Variants in FMO2 observed in about 807,000 individuals in gnomAD.
FMO2 encodes the protein flavin-containing monooxygenase 2.
A neutral mutation model predicts 41.6 loss-of-function variants in FMO2; 33 were observed. That is an observed-to-expected ratio of 0.79 (90% CI 0.60 to 1.06). The LOEUF is 1.06. Among genes scored for constraint, FMO2 ranks in the 50% least tolerant of loss-of-function variants. FMO2 has a pLI of 0.00. For missense variants in FMO2, 619 were observed against 632.9 expected (o/e 0.98, Z 0.23); for synonymous variants, 214 against 219.6 (o/e 0.97, Z 0.23).
At chr1:171,191,911 G>A (rs1364255229) in intron 2 of FMO2, among the ~76,000 whole-genome samples, 6 of 117,114 alleles carry the variant, frequency 5.1e-5, no homozygotes, top group African/African-American at 1.4e-4. Context: ...AGTGGCACGC[G>A]CCTGTAGTCC....
In FMO2 at chr1:171,211,925, C is replaced by G. The variant is rs1020625586; in HGVS notation, c.*2780C>G. Among the ~76,000 whole-genome samples the G allele has an allele frequency of 6.6e-6, 1 of 152,128 alleles. No individual in the cohort carries two copies. The highest frequency in any genetic ancestry group is 1.5e-5 in the Non-Finnish European group (1 of 68,032). ...CAGATGATTCCTGTGTACATTAAAT[C>G]TAGAAACCATTAGTTTGAGATCTCT... On this transcript the variant is annotated 3_prime_UTR_variant, in exon 9 of 9. Transcript: ENST00000209929.
In FMO2 at chr1:171,193,382, C is replaced by G. The variant is rs568866582; in HGVS notation, c.180C>G (p.Thr60=). The part of the protein sequence containing the change: ...GRASIYQSVV[T]NTSKEMSCFS... Reference sequence around the variant, plus strand: ...CAAGTATCTATCAATCTGTCGTTACCAACACCAGCAAAGAAATGTCCTGTT... The same window carrying G: ...CAAGTATCTATCAATCTGTCGTTACGAACACCAGCAAAGAAATGTCCTGTT... Residue 60 remains threonine, a synonymous_variant, in exon 3 of 9, where the codon ACC becomes ACG. Coordinates refer to ENST00000209929, the MANE Select transcript of FMO2 (RefSeq NM_001460.5). The G allele has an allele frequency of 1.2e-6, 2 of 1,612,212 alleles. No individual in the cohort carries two copies. Among genetic ancestry groups the G allele is most frequent in the Non-Finnish European group, 1.7e-6 (2 of 1,179,016 alleles).
chr1:171,196,398 C>T (rs1049039472), intron 3 of FMO2, among the ~76,000 whole-genome samples: 2 of 152,150 alleles, frequency 1.3e-5, no homozygotes, highest in African/African-American at 2.4e-5. Flanking sequence ...TGAGAACCCG[C>T]TCTTTCTGGC....
chr1:171,186,641 A>G (rs1055547732), intron 2 of FMO2, among the ~76,000 whole-genome samples: 2 of 152,256 alleles, frequency 1.3e-5, no homozygotes. Context: ...ACCTACCCCC[A>G]CCAGGTCCTT....
At chr1:171,207,971 C>T (rs1044724406) in intron 8 of FMO2, among the ~76,000 whole-genome samples, 181 bp downstream of exon 8, 5 of 152,078 alleles carry the variant, frequency 3.3e-5, no homozygotes, top group African/African-American at 4.8e-5. Context: ...TCTTCCTAAG[C>T]GATTCTTATA....
intron 8 of FMO2, 91 bp from the exon 9 acceptor site, chr1:171,208,703 T>A (rs1658860443): frequency 8.4e-7 from 1 of 1,195,312 alleles, no homozygotes; most frequent in Non-Finnish European, 1.2e-6. Context: ...TATTCACTCA[T>A]TCCTTCATTC....
intron 8 of FMO2, among the ~76,000 whole-genome samples, 170 bp downstream of exon 8, chr1:171,207,960 T>C (rs1658833197): frequency 6.6e-6 from 1 of 152,218 alleles, no homozygotes; most frequent in Non-Finnish European, 1.5e-5. Context: ...CATTTTTATC[T>C]TCTTCCTAAG....
rs1213177813 is a variant in FMO2, at chr1:171,199,408, G to C, written c.547G>C (p.Glu183Gln). 6.2e-7 allele frequency: 1 copy of C among 1,612,592 alleles called. No individual in the cohort carries two copies. Residue 183 changes from glutamate (E) to glutamine (Q), a missense_variant, in exon 5 of 9, where the codon GAG (glutamate) becomes CAG (glutamine). Physicochemically the swap from Glu to Gln is conservative, Grantham distance 29. Transcript: ENST00000209929. ...CCAATACAAGCATCCAGATGGATTT[G>C]AGGGAAAACGCATCCTGGTGATTGG... The part of the protein sequence containing the change: ...SRQYKHPDGF[E>Q]GKRILVIGMG...
intron 2 of FMO2, among the ~76,000 whole-genome samples, chr1:171,187,036 A>G (rs1335002069): frequency 6.6e-6 from 1 of 152,246 alleles, no homozygotes; most frequent in African/African-American, 2.4e-5. Flanking sequence ...TATATATTTT[A>G]TAGATGAGCA....
rs1369797630 is a variant in FMO2 at position 171,212,147 on chromosome 1, A to G, written c.*3002A>G. ...CAAAGTTATGTGTTTGAAACTTGCAATAGTATTGGGAGATGGGGCCTAATG... is the reference window on the plus strand; with the variant it reads ...CAAAGTTATGTGTTTGAAACTTGCAGTAGTATTGGGAGATGGGGCCTAATG... On this transcript the variant is annotated 3_prime_UTR_variant, in exon 9 of 9. Transcript: ENST00000209929. Among the ~76,000 whole-genome samples the G allele has an allele frequency of 6.6e-6, 1 of 152,162 alleles. No homozygotes were observed. Among genetic ancestry groups the G allele is most frequent in the Non-Finnish European group, 1.5e-5 (1 of 68,036 alleles).
chr1:171,201,093 C>T (rs546837331), intron 5 of FMO2, among the ~76,000 whole-genome samples: 2 of 152,250 alleles, frequency 1.3e-5, no homozygotes, highest in East Asian at 3.9e-4. Flanking sequence ...TAAGAAACTA[C>T]CTTGGCTCTA....
At chr1:171,195,629 TC>T (rs1658276260) in intron 3 of FMO2, among the ~76,000 whole-genome samples, 1 of 152,172 alleles carries the variant, frequency 6.6e-6, no homozygotes, top group Non-Finnish European at 1.5e-5. Flanking sequence ...TGGAAAAATA[TC>T]TGAAAATTTG....
chr1:171,196,733 C>G lies in FMO2; in HGVS notation c.406C>G (p.Gln136Glu), dbSNP rs1279693289. ...TGTCACTCAGAGCAACGGCAAGGAG[C>G]AGAGTGCTGTCTTTGACGCAGTTAT... ...KVVTQSNGKE[Q>E]SAVFDAVMVC... The change falls in exon 4 of 9, where the codon CAG (glutamine) becomes GAG (glutamate). Residue 136 changes from glutamine (Q) to glutamate (E), a missense_variant. By Grantham distance (29) the Gln-to-Glu change is conservative. Coordinates refer to ENST00000209929, the MANE Select transcript of FMO2 (RefSeq NM_001460.5). 6.2e-7 allele frequency: 1 copy of G among 1,613,476 alleles called. No homozygotes were observed. The highest frequency in any genetic ancestry group is 8.5e-7 in the Non-Finnish European group (1 of 1,179,816).
intron 5 of FMO2, 95 bp downstream of exon 5, chr1:171,199,583 A>G: frequency 1.6e-6 from 2 of 1,219,234 alleles, no homozygotes; most frequent in Non-Finnish European, 2.2e-6. Context: ...TCCAATCCTC[A>G]TTAACTAGTT....
At chr1:171,198,837 T>G (rs1407731670) in intron 4 of FMO2, among the ~76,000 whole-genome samples, 1 of 152,174 alleles carries the variant, frequency 6.6e-6, no homozygotes, top group African/African-American at 2.4e-5. Context: ...AGAGACAAAC[T>G]GCAGCCGTAA....
intron 5 of FMO2, among the ~76,000 whole-genome samples, chr1:171,202,483 T>G (rs1557981831): frequency 2.0e-5 from 3 of 152,180 alleles, no homozygotes; most frequent in South Asian, 2.1e-4. Context: ...CATAAGGCAC[T>G]GTATGAAACT....
At chr1:171,187,480 A>G (rs1657897652) in intron 2 of FMO2, among the ~76,000 whole-genome samples, 1 of 152,114 alleles carries the variant, frequency 6.6e-6, no homozygotes, top group African/African-American at 2.4e-5. Context: ...TCTCAGGTAC[A>G]CATGACCATA....
chr1:171,193,309 A>G (rs1434342088), intron 2 of FMO2, 26 bp from the exon 3 acceptor site: 2 of 1,550,790 alleles, frequency 1.3e-6, no homozygotes, highest in East Asian at 2.3e-5. Context: ...CGTAATTATC[A>G]CTAATTATTT....
chr1:171,209,596 A>G lies in FMO2; in HGVS notation c.*451A>G, dbSNP rs1658902104. The G allele has an allele frequency of 6.6e-6, 1 of 152,634 alleles. No individual in the cohort carries two copies. 9.5% of individuals were successfully genotyped at this position (152,634 alleles called of 1,614,324 possible). A position where few individuals can be genotyped will look rare whatever the true frequency, so the allele number is the denominator to read the frequency against. On this transcript the variant is annotated 3_prime_UTR_variant, in exon 9 of 9. Transcript: ENST00000209929. ...CTTGGTAACAAAGTTCTCAGATGTTAGGTCATGTTTCATTTGCTCAGTCGG... is the reference window on the plus strand; with the variant it reads ...CTTGGTAACAAAGTTCTCAGATGTTGGGTCATGTTTCATTTGCTCAGTCGG...
Sources: allele counts gnomAD v4.1 joint callset (sites outside exome capture counted in the v4.1 genomes callset), GRCh38; gene constraint gnomAD v4.1.1; transcripts MANE v1.5; gene names NCBI Gene and HGNC (gene_info 2026-07-23, HGNC 2026-07-21).